STPG2: variants seen among roughly 807,000 people sequenced by gnomAD.
The protein encoded by STPG2 is sperm tail PG-rich repeat containing 2.
STPG2 carries 56 observed loss-of-function variants against 54.2 expected under a neutral mutation model. The ratio of observed to expected loss-of-function variants is 1.03; its 90% CI spans 0.83 to 1.29. STPG2 has a LOEUF of 1.29. Ranked by LOEUF, STPG2 falls within the 50% of genes most tolerant of loss-of-function variation. STPG2 has a pLI of 0.00. For missense variants in STPG2, 596 were observed against 544.9 expected (o/e 1.09, Z -0.93); for synonymous variants, 200 against 181.8 (o/e 1.10, Z -0.81).
chr4:97,441,633 C>T (rs1729083865), intron 4 of STPG2: 1 of 151,958 alleles, frequency 6.6e-6, no homozygotes, highest in Admixed American at 6.6e-5. Flanking sequence ...AGTTAAATTA[C>T]TTCTAATAAA....
At chr4:97,905,967 A>T (rs1337742482) in intron 8 of STPG2, among the ~76,000 whole-genome samples, 1 of 152,184 alleles carries the variant, frequency 6.6e-6, no homozygotes, top group Non-Finnish European at 1.5e-5. Context: ...CTAGAAAAGC[A>T]AGAGCAAACA....
chr4:97,640,326 GA>G (rs1477326970), intron 10 of STPG2, among the ~76,000 whole-genome samples: 1 of 151,960 alleles, frequency 6.6e-6, no homozygotes. Context: ...ATGCATTGTT[GA>G]AAGAAGTGAT....
intron 8 of STPG2, among the ~76,000 whole-genome samples, chr4:97,904,995 G>A (rs890341522): frequency 6.6e-6 from 1 of 152,100 alleles, no homozygotes; most frequent in Non-Finnish European, 1.5e-5. Flanking sequence ...GTACCTGAAA[G>A]TGACGGGGAG....
chr4:97,711,369 T>C (rs1048368555), intron 10 of STPG2, among the ~76,000 whole-genome samples: 1 of 152,166 alleles, frequency 6.6e-6, no homozygotes, highest in South Asian at 2.1e-4. Flanking sequence ...CCTAATCAGT[T>C]CCCCACTTAC....
intron 4 of STPG2, among the ~76,000 whole-genome samples, chr4:97,481,419 T>G (rs1578332140): frequency 6.6e-6 from 1 of 151,562 alleles, no homozygotes; most frequent in East Asian, 1.9e-4. Context: ...AGCTTGCTGG[T>G]CTTTCTATTG....
At chr4:97,849,569 C>T (rs369491258) in intron 8 of STPG2, among the ~76,000 whole-genome samples, 30 of 151,860 alleles carry the variant, frequency 2.0e-4, no homozygotes, top group Middle Eastern at 3.4e-3. Flanking sequence ...CAAACAAATT[C>T]ACAAGAAAAA....
Position 97,758,607 on chromosome 4 carries a change from C to T in STPG2, c.1205-45793G>A, listed in dbSNP as rs111800597. ...TGGACACAGGGAGGGGAATATCACACATCAGGGCCTGTCAGGGGGGTGCGG... is the reference window on the plus strand; with the variant it reads ...TGGACACAGGGAGGGGAATATCACATATCAGGGCCTGTCAGGGGGGTGCGG... On this transcript the variant is annotated intron_variant, in intron 9 of 10. Transcript: ENST00000295268. Among the ~76,000 whole-genome samples, 860 of 152,124 alleles carry T rather than the reference C, an allele frequency of 5.7e-3. 5 individuals carry two copies. Among genetic ancestry groups the T allele is most frequent in the Middle Eastern group, 0.02 (6 of 294 alleles).
intron 10 of STPG2, among the ~76,000 whole-genome samples, chr4:97,616,049 T>A (rs1295270229): frequency 5.8e-4 from 30 of 52,130 alleles, no homozygotes; most frequent in East Asian, 1.9e-3. Context: ...AAAAAAAAAA[T>A]ACATATAAAT....
chr4:97,617,679 T>C (rs534675700), intron 10 of STPG2, among the ~76,000 whole-genome samples: 1 of 152,120 alleles, frequency 6.6e-6, no homozygotes, highest in Non-Finnish European at 1.5e-5. Context: ...CACAGACTAT[T>C]CCTTTCCCTT....
At chr4:97,621,274 C>T (rs896487954) in intron 10 of STPG2, among the ~76,000 whole-genome samples, 1 of 151,756 alleles carries the variant, frequency 6.6e-6, no homozygotes, top group Non-Finnish European at 1.5e-5. Context: ...TAGCAGAGGA[C>T]AAGAAATAAC....
chr4:97,905,127 G>C (rs1731353942), intron 8 of STPG2, among the ~76,000 whole-genome samples: 1 of 151,418 alleles, frequency 6.6e-6, no homozygotes, highest in African/African-American at 2.4e-5. Flanking sequence ...TACTCCTCGA[G>C]AAGAGCAACT....
chr4:97,995,178 AC>A (rs1735164401), intron 5 of STPG2, among the ~76,000 whole-genome samples: 1 of 24,284 alleles, frequency 4.1e-5, no homozygotes, highest in African/African-American at 1.6e-4. Flanking sequence ...TCACCCCCCC[AC>A]CCCCTGCAAT....
intron 5 of STPG2, among the ~76,000 whole-genome samples, 169 bp downstream of exon 5, chr4:98,105,784 G>C (rs13144771): frequency 0.4 from 60,031 of 151,644 alleles, 12,105 homozygotes; most frequent in Middle Eastern, 0.46. Context: ...TTTTCAAGCA[G>C]AGACAGCAAC....
chr4:97,626,229 T>C (rs1022194158), intron 10 of STPG2, among the ~76,000 whole-genome samples: 2 of 152,224 alleles, frequency 1.3e-5, no homozygotes, highest in South Asian at 4.1e-4. Context: ...GACCCAGATA[T>C]ACCATAATGA....
chr4:98,074,094 T>C (rs544590675), intron 5 of STPG2, among the ~76,000 whole-genome samples: 83 of 152,204 alleles, frequency 5.5e-4, no homozygotes, highest in Non-Finnish European at 1.1e-3. Flanking sequence ...GACACAAAAA[T>C]AACTTTCCTA....
At chr4:97,767,292 T>G (rs1431408027) in intron 9 of STPG2, among the ~76,000 whole-genome samples, 1 of 152,154 alleles carries the variant, frequency 6.6e-6, no homozygotes, top group Admixed American at 6.5e-5. Context: ...AACAACCCCA[T>G]GAAGAAGTGC....
At chr4:97,643,796 G>T (rs967999689) in intron 10 of STPG2, among the ~76,000 whole-genome samples, 6 of 151,838 alleles carry the variant, frequency 4.0e-5, no homozygotes, top group South Asian at 2.1e-4. Context: ...TATTATAAGA[G>T]AATTTGAGAT....
chr4:97,536,388 C>A (rs1052071347), intron 4 of STPG2, among the ~76,000 whole-genome samples: 1 of 152,134 alleles, frequency 6.6e-6, no homozygotes, highest in East Asian at 1.9e-4. Flanking sequence ...CCCAAAAGAT[C>A]TGATGGATTA....
intron 8 of STPG2, among the ~76,000 whole-genome samples, chr4:97,884,120 A>C (rs1560570484): frequency 6.6e-6 from 1 of 152,094 alleles, no homozygotes; most frequent in Non-Finnish European, 1.5e-5. Context: ...CCAAACTATT[A>C]TGGGAAGAGA....
Sources: allele counts gnomAD v4.1 joint callset (sites outside exome capture counted in the v4.1 genomes callset), GRCh38; gene constraint gnomAD v4.1.1; transcripts MANE v1.5; gene names NCBI Gene and HGNC (gene_info 2026-07-23, HGNC 2026-07-21).